The following PCDH15 variants were observed in gnomAD, a reference collection of about 807,000 sequenced individuals.
The protein encoded by PCDH15 is protocadherin-15.
A neutral mutation model predicts 178.5 loss-of-function variants in PCDH15; 129 were observed. The observed-to-expected ratio is 0.72, with a 90% CI of 0.63 to 0.84. The LOEUF (loss-of-function observed/expected upper bound fraction) is 0.84, where lower values mean the gene tolerates loss of function less well. Ranked by LOEUF, PCDH15 falls within the 40% of genes least tolerant of loss-of-function variation. The probability of loss-of-function intolerance (pLI) is 0.00; values close to 1 mark genes in which losing one functional copy is unlikely to be tolerated. For missense variants in PCDH15, 2,230 were observed against 2,099.9 expected, an observed-to-expected ratio of 1.06 and a Z score of -1.21; for synonymous variants, 800 against 732.0, an observed-to-expected ratio of 1.09 and a Z score of -1.50.
intron 2 of PCDH15, among the ~76,000 whole-genome samples, chr10:54,984,683 A>AT (rs1182503831): frequency 6.6e-6 from 1 of 152,086 alleles, no homozygotes; most frequent in Non-Finnish European, 1.5e-5. Context: ...TACAAAAAAA[A>AT]TTTAAAAATT....
At chr10:54,135,882 C>T (rs1023216869) in intron 14 of PCDH15, among the ~76,000 whole-genome samples, 5 of 151,946 alleles carry the variant, frequency 3.3e-5, no homozygotes, top group African/African-American at 1.2e-4. Context: ...CATCTAAGGT[C>T]AGCATAAAGA....
chr10:54,684,986 T>G (rs937800559), intron 1 of PCDH15, among the ~76,000 whole-genome samples: 2 of 151,866 alleles, frequency 1.3e-5, no homozygotes, highest in Non-Finnish European at 1.5e-5. Flanking sequence ...TACAACATAG[T>G]TTCTTTCTTT....
Position 54,450,130 on chromosome 10 carries a change from A to AATATATATATATAT in PCDH15, c.158-71202_158-71189dup, listed in dbSNP as rs10526141. ...GGCAGATGACTATTCCTTTTTTATA[A>AATATATATATATAT]ATATATATATATATATATATATATA... On this transcript the variant is annotated intron_variant, in intron 3 of 37. Transcript: ENST00000644397. 3.6e-3 allele frequency among the ~76,000 whole-genome samples: 489 copies of AATATATATATATAT among 137,158 alleles called. 3 individuals are homozygous for AATATATATATATAT. Among genetic ancestry groups the AATATATATATATAT allele is most frequent in the African/African-American group, 0.011 (381 of 36,002 alleles). The allele number at this position is 137,158 out of a possible 152,430, so 90.0% of individuals were successfully genotyped here. A position where few individuals can be genotyped will look rare whatever the true frequency, so the allele number is the denominator to read the frequency against.
chr10:54,806,290 C>T (rs1225819990), upstream of PCDH15, among the ~76,000 whole-genome samples: 2 of 152,058 alleles, frequency 1.3e-5, no homozygotes, highest in African/African-American at 4.8e-5. Context: ...CAAATTATCC[C>T]AATTTTAGTA....
intron 28 of PCDH15, among the ~76,000 whole-genome samples, chr10:53,843,664 C>A (rs1461419088): frequency 1.3e-5 from 2 of 151,970 alleles, no homozygotes; most frequent in African/African-American, 2.4e-5. Flanking sequence ...ATCTCCTTAA[C>A]TCCCTATTTC....
At chr10:54,229,046 T>G (rs2053775828) in intron 9 of PCDH15, among the ~76,000 whole-genome samples, 1 of 151,950 alleles carries the variant, frequency 6.6e-6, no homozygotes. Context: ...CTCAAAAAAA[T>G]GAATAAATAG....
intron 2 of PCDH15, among the ~76,000 whole-genome samples, chr10:54,605,197 T>A (rs532320115): frequency 1.6e-4 from 24 of 152,094 alleles, no homozygotes; most frequent in African/African-American, 5.3e-4. Flanking sequence ...TAATATAGTA[T>A]TTTTTATTTG....
At chr10:54,933,296 G>T (rs1042551069) in intron 2 of PCDH15, among the ~76,000 whole-genome samples, 4 of 152,028 alleles carry the variant, frequency 2.6e-5, no homozygotes, top group Admixed American at 2.0e-4. Flanking sequence ...AAGTAGTTGT[G>T]AATTAAAATT....
intron 2 of PCDH15, among the ~76,000 whole-genome samples, chr10:55,116,007 T>C (rs1401103413): frequency 6.6e-6 from 1 of 152,164 alleles, no homozygotes; most frequent in Admixed American, 6.5e-5. Flanking sequence ...CCTTAGAAAG[T>C]AGCTAGAGTC....
chr10:54,718,086 G>A (rs1468635967), intron 1 of PCDH15, among the ~76,000 whole-genome samples: 1 of 149,414 alleles, frequency 6.7e-6, no homozygotes, highest in Non-Finnish European at 1.5e-5. Flanking sequence ...ACAGGAGGGT[G>A]AACATCACAC....
intron 2 of PCDH15, among the ~76,000 whole-genome samples, chr10:55,352,199 C>A (rs1463296054): frequency 6.6e-6 from 1 of 152,086 alleles, no homozygotes; most frequent in East Asian, 1.9e-4. Context: ...TATTATACAT[C>A]ACTTTAATAT....
At chr10:55,173,013 G>T (rs890818464) in intron 1 of PCDH15, among the ~76,000 whole-genome samples, 8 of 151,916 alleles carry the variant, frequency 5.3e-5, no homozygotes, top group Non-Finnish European at 7.4e-5. Context: ...ATGAATGGCT[G>T]CTTATTTTGA....
At chr10:53,980,561 C>T (rs2090553611) in intron 21 of PCDH15, among the ~76,000 whole-genome samples, 1 of 152,132 alleles carries the variant, frequency 6.6e-6, no homozygotes, top group African/African-American at 2.4e-5. Context: ...GTTTTTCCAT[C>T]ACTCTGGAAG....
chr10:55,105,432 A>G (rs1362383416), intron 2 of PCDH15, among the ~76,000 whole-genome samples: 2 of 152,134 alleles, frequency 1.3e-5, no homozygotes, highest in East Asian at 3.9e-4. Context: ...AAAATCACAA[A>G]CCATGCATTT....
chr10:54,787,534 C>A (rs551001402), intron 1 of PCDH15, among the ~76,000 whole-genome samples: 51 of 152,052 alleles, frequency 3.4e-4, no homozygotes, highest in African/African-American at 1.0e-3. Context: ...TTCTCTTCTG[C>A]AAGGCAAGTT....
rs1388359575 is a variant in PCDH15 at position 53,902,687 on chromosome 10, T to G, written c.3501+556A>C. On this transcript the variant is annotated intron_variant, in intron 26 of 37. Coordinates refer to ENST00000644397, the MANE Select transcript of PCDH15 (RefSeq NM_001384140.1). ...TTTGATGATAAATAAAGAAAAAAAT[T>G]GAAAACTTACAACTTTGGTCTTAGA... Among the ~76,000 whole-genome samples the G allele has an allele frequency of 2.0e-5, 3 of 152,192 alleles. No homozygotes were observed. The East Asian group carries it at 5.8e-4, about 29-fold the overall frequency.
rs1171905147 is a variant in PCDH15, at chr10:53,808,319, A to T, written c.4672-1189T>A. On this transcript the variant is annotated intron_variant, in intron 37 of 37. Coordinates refer to ENST00000644397, the MANE Select transcript of PCDH15 (RefSeq NM_001384140.1). ...TGAAAGATGATATAAAAACATATATAGTGTGTGTGTGTATATATATATATA... is the reference window on the plus strand; with the variant it reads ...TGAAAGATGATATAAAAACATATATTGTGTGTGTGTGTATATATATATATA... 2.9e-5 allele frequency: 6 copies of T among 205,266 alleles called. No individual in the cohort carries two copies. In the Admixed American group the frequency reaches 4.1e-4, roughly 14 times the overall value. 12.7% of individuals were successfully genotyped at this position (205,266 alleles called of 1,614,324 possible). A position where few individuals can be genotyped will look rare whatever the true frequency, so the allele number is the denominator to read the frequency against.
intron 2 of PCDH15, among the ~76,000 whole-genome samples, chr10:54,533,596 A>G (rs931609273): frequency 7.2e-5 from 11 of 152,230 alleles, no homozygotes; most frequent in African/African-American, 2.7e-4. Context: ...TAAAACTAAG[A>G]AATTTCAAAT....
chr10:54,705,616 TATCC>T (rs1369093647), intron 1 of PCDH15, among the ~76,000 whole-genome samples: 1 of 152,186 alleles, frequency 6.6e-6, no homozygotes, highest in East Asian at 1.9e-4. Context: ...GCACCACTAT[TATCC>T]ATACCATGAG....
Sources: gnomAD v4.1 joint callset for allele counts (sites outside exome capture counted in the v4.1 genomes callset) on GRCh38, gnomAD v4.1.1 for gene constraint, MANE v1.5 for transcripts, NCBI Gene and HGNC (gene_info 2026-07-23, HGNC 2026-07-21) for gene names.